The following BCL7C variants were observed in gnomAD, a reference collection of about 807,000 sequenced individuals.
BCL7C encodes BAF chromatin remodeling complex subunit BCL7C.
Under a neutral mutation model 26.2 loss-of-function variants are expected in BCL7C, and 8 were observed. That is an observed-to-expected ratio of 0.30 (90% CI 0.18 to 0.55). The LOEUF (loss-of-function observed/expected upper bound fraction) is 0.55, where lower values mean the gene tolerates loss of function less well. Ranked by LOEUF, BCL7C falls within the 20% of genes least tolerant of loss-of-function variation. The pLI, the probability that BCL7C is intolerant of heterozygous loss-of-function variation, is 0.93. For synonymous variants in BCL7C, 90 were observed against 116.5 expected (o/e 0.77, Z 1.47); for missense variants, 262 against 298.5 (o/e 0.88, Z 0.90).
Position 30,876,841 on chromosome 16 carries a change from AG to A in BCL7C, c.528+12018del, listed in dbSNP as rs1278487605. 4.6e-5 allele frequency among the ~76,000 whole-genome samples: 7 copies of A among 152,332 alleles called. No homozygotes were observed. The East Asian group carries it at 1.4e-3, about 29-fold the overall frequency. ...GGGGAAAGGGGCAGGAGAGGTGGGCAGGGGCCAAATCCAGCAGGGGCTTTTC... is the reference window on the plus strand; with the variant it reads ...GGGGAAAGGGGCAGGAGAGGTGGGCAGGGCCAAATCCAGCAGGGGCTTTTC... On this transcript the variant is annotated intron_variant, in intron 5 of 5. Coordinates refer to the BCL7C transcript ENST00000380317.
chr16:30,850,173 G>A (rs1438544827), intron 5 of BCL7C, among the ~76,000 whole-genome samples: 2 of 140,930 alleles, frequency 1.4e-5, no homozygotes, highest in South Asian at 2.2e-4. Flanking sequence ...TCGCATCACT[G>A]CACTCCAGCC....
intron 5 of BCL7C, among the ~76,000 whole-genome samples, chr16:30,861,267 AAT>A (rs2054769630): frequency 6.6e-6 from 1 of 152,208 alleles, no homozygotes; most frequent in African/African-American, 2.4e-5. Context: ...GGTATACAAT[AAT>A]AGAGTAGAGG....
intron 5 of BCL7C, among the ~76,000 whole-genome samples, chr16:30,878,583 G>A (rs1302229067): frequency 6.6e-6 from 1 of 150,708 alleles, no homozygotes. Flanking sequence ...GGTGGCTCAC[G>A]CCTGTAATCC....
rs372449827 is a variant in BCL7C at position 30,882,342 on chromosome 16, G to C, written c.528+6518C>G. ...ATAAGTACCTATTGCTATGAATAAA[G>C]GGAATCCTCTGCCCTCCTGGGGCTT... On this transcript the variant is annotated intron_variant, in intron 5 of 5. Transcript: ENST00000380317. Among the ~76,000 whole-genome samples the C allele has an allele frequency of 3.5e-4, 54 of 152,278 alleles. 1 individual carries two copies. The South Asian group carries it at 0.011, about 31-fold the overall frequency.
chr16:30,843,127 T>C (rs965028451), intron 5 of BCL7C, among the ~76,000 whole-genome samples: 1 of 152,220 alleles, frequency 6.6e-6, no homozygotes, highest in African/African-American at 2.4e-5. Flanking sequence ...ATTCCAGACA[T>C]AGCAAACAAT....
At chr16:30,856,715 T>C (rs553530180) in intron 5 of BCL7C, among the ~76,000 whole-genome samples, 1 of 152,302 alleles carries the variant, frequency 6.6e-6, no homozygotes, top group South Asian at 2.1e-4. Context: ...GCTCTATGTG[T>C]GTGTCTCAGT....
intron 5 of BCL7C, among the ~76,000 whole-genome samples, chr16:30,837,888 A>T (rs911159854): frequency 6.6e-6 from 1 of 152,178 alleles, no homozygotes. Context: ...CTGGAGACAT[A>T]ATGGTGAACA....
Position 30,857,741 on chromosome 16 carries a change from C to T in BCL7C, c.529-22593G>A, listed in dbSNP as rs1393575998. 4.6e-5 allele frequency among the ~76,000 whole-genome samples: 7 copies of T among 152,052 alleles called. No homozygotes were observed. The East Asian group carries it at 1.2e-3, about 25-fold the overall frequency. On this transcript the variant is annotated intron_variant, in intron 5 of 5. Transcript: ENST00000380317. The stretch of plus-strand genomic sequence containing the variant: ...ATCCCAGCACTTTGGGAGGCCAAGG[C>T]GGGTGGATCACCTGAGGTCAGGAGT...
intron 3 of BCL7C, 41 bp from the exon 4 acceptor site, chr16:30,892,788 A>T: frequency 2.5e-6 from 4 of 1,614,062 alleles, no homozygotes; most frequent in Non-Finnish European, 3.4e-6. Context: ...TGAGATCCCT[A>T]GTACACTCCT....
At chr16:30,876,394 A>G (rs553811606) in intron 5 of BCL7C, among the ~76,000 whole-genome samples, 9 of 152,324 alleles carry the variant, frequency 5.9e-5, no homozygotes, top group Non-Finnish European at 7.3e-5. Context: ...TTGGGTCTCG[A>G]GAACAGAATT....
chr16:30,879,702 A>C (rs1487246732), intron 5 of BCL7C, among the ~76,000 whole-genome samples: 1 of 145,362 alleles, frequency 6.9e-6, no homozygotes, highest in African/African-American at 2.5e-5. Flanking sequence ...AAAAAAAAAA[A>C]AAAAAAACTG....
intron 5 of BCL7C, among the ~76,000 whole-genome samples, chr16:30,865,847 C>G (rs1166001918): frequency 6.6e-6 from 1 of 150,710 alleles, no homozygotes; most frequent in African/African-American, 2.4e-5. Flanking sequence ...CTGCCTCAGC[C>G]TCCCTAGTAG....
chr16:30,864,556 C>T (rs999663098), intron 5 of BCL7C, among the ~76,000 whole-genome samples: 3 of 152,158 alleles, frequency 2.0e-5, no homozygotes, highest in African/African-American at 7.2e-5. Context: ...CTCGAAGCAG[C>T]CCTGAGAAAC....
intron 5 of BCL7C, among the ~76,000 whole-genome samples, chr16:30,843,508 CTG>C (rs1415502322): frequency 6.7e-6 from 1 of 149,916 alleles, no homozygotes; most frequent in Non-Finnish European, 1.5e-5. Context: ...CTGCAGTGAG[CTG>C]TGATCATGCC....
At chr16:30,851,136 C>T (rs1596586869) in intron 5 of BCL7C, 1 of 258,690 alleles carries the variant, frequency 3.9e-6, no homozygotes, top group Non-Finnish European at 7.8e-6. Flanking sequence ...CCTACTGGTT[C>T]GTTTTCCCTG....
In BCL7C at chr16:30,879,876, G is replaced by C. The variant is rs374170971; in HGVS notation, c.528+8984C>G. Among the ~76,000 whole-genome samples, 85 of 151,766 alleles carry C rather than the reference G, an allele frequency of 5.6e-4. 1 individual carries two copies. The highest frequency in any genetic ancestry group is 2.0e-3 in the African/African-American group (83 of 41,366). On this transcript the variant is annotated intron_variant, in intron 5 of 5. Transcript: ENST00000380317. The stretch of plus-strand genomic sequence containing the variant: ...ATGGTGGCAGGCACCTGTAGTCTCA[G>C]CTACTTGGGAGGCTGAGGCAGGAGA...
intron 5 of BCL7C, among the ~76,000 whole-genome samples, chr16:30,870,993 T>C (rs997002792): frequency 2.0e-5 from 3 of 152,130 alleles, no homozygotes; most frequent in African/African-American, 4.8e-5. Flanking sequence ...CCAGATAAAT[T>C]GTAAATGTAC....
At chr16:30,865,631 A>C (rs1238974702) in intron 5 of BCL7C, among the ~76,000 whole-genome samples, 1 of 152,012 alleles carries the variant, frequency 6.6e-6, no homozygotes, top group Non-Finnish European at 1.5e-5. Flanking sequence ...AGGTACTGGC[A>C]GTAGGACTCT....
chr16:30,887,780 T>C, downstream of BCL7C: 6 of 1,497,480 alleles, frequency 4.0e-6, no homozygotes, highest in South Asian at 1.4e-5. Flanking sequence ...GACGGGGAAA[T>C]GACATGACAC....
Sources: gnomAD v4.1 joint callset for allele counts (sites outside exome capture counted in the v4.1 genomes callset) on GRCh38, gnomAD v4.1.1 for gene constraint, MANE v1.5 for transcripts, NCBI Gene and HGNC (gene_info 2026-07-23, HGNC 2026-07-21) for gene names.